Variants in MUC17 observed in about 807,000 individuals in gnomAD.
MUC17 encodes mucin-17.
In MUC17, 190 loss-of-function variants were observed where a neutral mutation model predicts 170.3. The observed-to-expected ratio is 1.12, with a 90% CI of 0.99 to 1.26. The LOEUF (loss-of-function observed/expected upper bound fraction) is 1.26, where lower values mean the gene tolerates loss of function less well. MUC17 is among the 50% of genes most tolerant of loss of function. The probability of loss-of-function intolerance (pLI) is 0.00; values close to 1 mark genes in which losing one functional copy is unlikely to be tolerated. For missense variants in MUC17, 6,415 were observed against 5,530.0 expected (o/e 1.16, Z -5.08); for synonymous variants, 2,325 against 2,002.5 (o/e 1.16, Z -4.30).
At position 101,051,932 on chromosome 7, in the gene MUC17, G is replaced by A; in HGVS notation, c.13073G>A (p.Cys4358Tyr). The part of the protein sequence containing the change: ...SVSKNCNLGK[C>Y]QMSLSGPQCL... ...TCCAAGAACTGTAACCTCGGCAAGTGCCAGATGTCTCTAAGTGGACCTCAG... is the reference window on the plus strand; with the variant it reads ...TCCAAGAACTGTAACCTCGGCAAGTACCAGATGTCTCTAAGTGGACCTCAG... Residue 4358 changes from cysteine to tyrosine, a missense_variant, in exon 9 of 13, where the codon TGC becomes TAC. Transcript: ENST00000306151. The A allele has an allele frequency of 1.2e-6, 2 of 1,614,084 alleles. No individual in the cohort carries two copies. Among genetic ancestry groups the A allele is most frequent in the Non-Finnish European group, 1.7e-6 (2 of 1,179,940 alleles).
rs1251053947 is a variant in MUC17, at chr7:101,040,357, A to T, written c.8941A>T (p.Thr2981Ser). ...TAEGTSMPIS[T>S]PGERRTPLTS... The stretch of plus-strand genomic sequence containing the variant: ...TGAAGGTACCAGCATGCCAATCTCA[A>T]CTCCTGGCGAAAGAAGAACTCCATT... The change falls in exon 3 of 13, where the codon ACT (threonine) becomes TCT (serine). Residue 2981 changes from threonine to serine, a missense_variant. Coordinates refer to ENST00000306151, the MANE Select transcript of MUC17 (RefSeq NM_001040105.2). 2 of 1,610,744 alleles carry T rather than the reference A, an allele frequency of 1.2e-6. No individual in the cohort carries two copies. Among genetic ancestry groups the T allele is most frequent in the Non-Finnish European group, 1.7e-6 (2 of 1,179,140 alleles).
At chr7:101,020,803 A>G (rs1471378106) in intron 1 of MUC17, among the ~76,000 whole-genome samples, 2 of 152,176 alleles carry the variant, frequency 1.3e-5, no homozygotes, top group African/African-American at 2.4e-5. Flanking sequence ...AAGACAAGGC[A>G]TTAGGACCTC....
chr7:101,043,979 A>T (rs1056528761), intron 3 of MUC17, among the ~76,000 whole-genome samples, 160 bp downstream of exon 3: 3 of 152,104 alleles, frequency 2.0e-5, no homozygotes, highest in African/African-American at 7.2e-5. Flanking sequence ...TCGTAATGCT[A>T]TCCCTCCCCC....
chr7:101,037,103 C>T lies in MUC17; in HGVS notation c.5687C>T (p.Thr1896Ile). The T allele has an allele frequency of 4.5e-6, 7 of 1,567,106 alleles. No individual in the cohort carries two copies. Among genetic ancestry groups the T allele is most frequent in the Non-Finnish European group, 5.9e-6 (7 of 1,177,754 alleles). Reference sequence around the variant, plus strand: ...TCAACAACTCCCGCTGTCACCAGCACACCTGTGACCACTTATGCTCAAGTC... The same window carrying T: ...TCAACAACTCCCGCTGTCACCAGCATACCTGTGACCACTTATGCTCAAGTC... ...TLSTTPAVTS[T>I]PVTTYAQVSS... is the part of the protein sequence containing the mutation. Residue 1896 changes from threonine to isoleucine, a missense_variant, in exon 3 of 13, where the codon ACA becomes ATA. By Grantham distance (89) the Thr-to-Ile change is moderately conservative. Coordinates refer to ENST00000306151, the MANE Select transcript of MUC17 (RefSeq NM_001040105.2).
Position 101,038,760 on chromosome 7 carries a change from C to T in MUC17, c.7344C>T (p.Thr2448=), listed in dbSNP as rs1217977919. The T allele has an allele frequency of 1.9e-6, 3 of 1,613,112 alleles. No individual in the cohort carries two copies. The highest frequency in any genetic ancestry group is 3.3e-5 in the Admixed American group (2 of 59,988). Reference sequence around the variant, plus strand: ...CTGCTGAAGGTACCAGCATACCAACCTCACCTCCTAGTGAAGGAACCACTC... The same window carrying T: ...CTGCTGAAGGTACCAGCATACCAACTTCACCTCCTAGTGAAGGAACCACTC... ...PTTAEGTSIP[T]SPPSEGTTPL... Residue 2448 remains threonine, a synonymous_variant, in exon 3 of 13, where the codon ACC becomes ACT. Transcript: ENST00000306151.
Position 101,045,456 on chromosome 7 carries a change from C to T in MUC17, c.12403+1637C>T, listed in dbSNP as rs148798027. On this transcript the variant is annotated intron_variant, in intron 3 of 12. Coordinates refer to ENST00000306151, the MANE Select transcript of MUC17 (RefSeq NM_001040105.2). ...TTGCCCAAGCTGGAGTGCAATGGCA[C>T]GATCATGGCTCACTGCAACCTCCAC... Among the ~76,000 whole-genome samples the T allele has an allele frequency of 2.2e-3, 333 of 151,728 alleles. 1 individual carries two copies. Among genetic ancestry groups the T allele is most frequent in the Middle Eastern group, 6.8e-3 (2 of 294 alleles).
chr7:101,056,522 G>T (rs1795048570), intron 12 of MUC17, among the ~76,000 whole-genome samples: 1 of 152,156 alleles, frequency 6.6e-6, no homozygotes, highest in Non-Finnish European at 1.5e-5. Context: ...CCTACTCTAA[G>T]TACATCCTTG....
rs1794785144 is a variant in MUC17, at chr7:101,043,818, A to T, written c.12402A>T (p.Thr4134=). The change falls in exon 3 of 13, where the codon ACA becomes ACT. Residue 4134 remains threonine, a splice_region_variant and synonymous_variant. Transcript: ENST00000306151. ...CTCCTACTGTGCCAAGAACCACAAC[A>T]TGTAAGTGATTTCTTGAATTTTCCT... The part of the protein sequence containing the change: ...TSTPTVPRTT[T]CFGDGCQNTA... 6.3e-7 allele frequency: 1 copy of T among 1,581,640 alleles called. No individual in the cohort carries two copies. The highest frequency in any genetic ancestry group is 2.3e-5 in the East Asian group (1 of 44,434).
rs764364843 is a variant in MUC17 at position 101,039,549 on chromosome 7, C to G, written c.8133C>G (p.Thr2711=). The change falls in exon 3 of 13, where the codon ACC becomes ACG. Residue 2711 remains threonine, a synonymous_variant. Coordinates refer to ENST00000306151, the MANE Select transcript of MUC17 (RefSeq NM_001040105.2). The part of the protein sequence containing the change: ...TTLLANSEAS[T]LSTTPVDTST... ...TGTTGGCCAATTCTGAGGCTAGCACCCTTTCAACAACTCCTGTTGACACCA... is the reference window on the plus strand; with the variant it reads ...TGTTGGCCAATTCTGAGGCTAGCACGCTTTCAACAACTCCTGTTGACACCA... The G allele has an allele frequency of 1.1e-5, 17 of 1,611,056 alleles. No homozygotes were observed. The highest frequency in any genetic ancestry group is 8.4e-5 in the Admixed American group (5 of 59,618).
At chr7:101,054,361 G>T (rs937837640) in intron 11 of MUC17, among the ~76,000 whole-genome samples, 2 of 152,094 alleles carry the variant, frequency 1.3e-5, no homozygotes, top group African/African-American at 4.8e-5. Flanking sequence ...ACTAACATTA[G>T]ATTTTGCTAG....
chr7:101,032,277 G>T lies in MUC17; in HGVS notation c.861G>T (p.Val287=), dbSNP rs774651865. 5 of 1,613,644 alleles carry T rather than the reference G, an allele frequency of 3.1e-6. No homozygotes were observed. The highest frequency in any genetic ancestry group is 1.3e-5 in the African/African-American group (1 of 74,882). The change falls in exon 3 of 13, where the codon GTG becomes GTT. Residue 287 remains valine, a synonymous_variant. Transcript: ENST00000306151. ...LTRMPLSVML[V]VSSEASTLST... ...GAATGCCTCTCAGCGTGATGCTGGTGGTCAGTTCTGAGGCTAGCACCCTTT... is the reference window on the plus strand; with the variant it reads ...GAATGCCTCTCAGCGTGATGCTGGTTGTCAGTTCTGAGGCTAGCACCCTTT...
chr7:101,036,134 C>T lies in MUC17; in HGVS notation c.4718C>T (p.Thr1573Ile), dbSNP rs760340861. 5 of 1,613,186 alleles carry T rather than the reference C, an allele frequency of 3.1e-6. No homozygotes were observed. Among genetic ancestry groups the T allele is most frequent in the South Asian group, 1.1e-5 (1 of 90,978 alleles). ...ACCTCAACTTATAGTGAAGGAAGCA[C>T]TCCACTAACAAGTTTGCCTGTCAGC... ...MQTSTYSEGSTPLTSLPVSTM... is the reference protein window; with the variant it reads ...MQTSTYSEGSIPLTSLPVSTM... The change falls in exon 3 of 13, where the codon ACT (threonine) becomes ATT (isoleucine). Residue 1573 changes from threonine to isoleucine, a missense_variant. By Grantham distance (89) the Thr-to-Ile change is moderately conservative. Transcript: ENST00000306151.
Position 101,035,490 on chromosome 7 carries a change from A to C in MUC17, c.4074A>C (p.Ser1358=). The part of the protein sequence containing the change: ...LVASSAISIL[S]TTPVDNSTPV... ...CCAGTTCTGCAATCAGCATCCTTTC[A>C]ACAACTCCTGTTGACAACAGCACAC... Residue 1358 remains serine, a synonymous_variant, in exon 3 of 13, where the codon TCA becomes TCC. Transcript: ENST00000306151. The C allele has an allele frequency of 6.2e-7, 1 of 1,602,326 alleles. No homozygotes were observed. Among genetic ancestry groups the C allele is most frequent in the Non-Finnish European group, 8.5e-7 (1 of 1,172,662 alleles).
chr7:101,028,335 C>T (rs1208053066), intron 1 of MUC17, among the ~76,000 whole-genome samples: 3 of 151,524 alleles, frequency 2.0e-5, no homozygotes, highest in South Asian at 2.1e-4. Flanking sequence ...GTGATCTGCC[C>T]GCCTCGGCCT....
rs753131554 is a variant in MUC17 at position 101,042,316 on chromosome 7, A to AG, written c.10901dup (p.Ser3634ArgfsTer18). 4 of 1,613,850 alleles carry AG rather than the reference A, an allele frequency of 2.5e-6. No individual in the cohort carries two copies. Among genetic ancestry groups the AG allele is most frequent in the Middle Eastern group, 1.6e-4 (1 of 6,084 alleles). Reference sequence around the variant, plus strand: ...GCCAATGTCAACTCCTAGTGAAGTAAGCACTCCATTAACCATTATGCCTGT... The same window carrying AG: ...GCCAATGTCAACTCCTAGTGAAGTAAGGCACTCCATTAACCATTATGCCTGT... On this transcript the variant is annotated frameshift_variant, in exon 3 of 13. Transcript: ENST00000306151. LOFTEE classifies it high-confidence loss of function.
In MUC17 at chr7:101,042,260, C is replaced by T; in HGVS notation, c.10844C>T (p.Ser3615Phe). The part of the protein sequence containing the change: ...TPVTTSTQSN[S>F]TPTPPEVITL... ...GTGACCACTTCTACTCAGAGCAATT[C>T]TACTCCTACACCTCCTGAAGTTATC... is the stretch of plus-strand genomic sequence containing the variant. The change falls in exon 3 of 13, where the codon TCT becomes TTT. Residue 3615 changes from serine to phenylalanine, a missense_variant. Ser to Phe is a radical substitution (Grantham distance 155). Transcript: ENST00000306151. 1 of 1,614,126 alleles carries T rather than the reference C, an allele frequency of 6.2e-7. No individual in the cohort carries two copies. The highest frequency in any genetic ancestry group is 8.5e-7 in the Non-Finnish European group (1 of 1,180,034).
At chr7:101,045,331 C>T (rs1004007040) in intron 3 of MUC17, among the ~76,000 whole-genome samples, 3 of 151,976 alleles carry the variant, frequency 2.0e-5, no homozygotes, top group Non-Finnish European at 2.9e-5. Flanking sequence ...TTTCTCTGGA[C>T]TTTGTGATTT....
chr7:101,036,168 G>C lies in MUC17; in HGVS notation c.4752G>C (p.Leu1584=), dbSNP rs756411779. ...CAAGTTTGCCTGTCAGCACCATGCTGGTGGTCAGTTCTGAGGCTAACACCC... is the reference window on the plus strand; with the variant it reads ...CAAGTTTGCCTGTCAGCACCATGCTCGTGGTCAGTTCTGAGGCTAACACCC... ...PLTSLPVSTM[L]VVSSEANTLS... The change falls in exon 3 of 13, where the codon CTG becomes CTC. Residue 1584 remains leucine (L), a synonymous_variant. Transcript: ENST00000306151. 7.4e-6 allele frequency: 12 copies of C among 1,613,920 alleles called. No individual in the cohort carries two copies. In the East Asian group the frequency reaches 1.1e-4, roughly 15 times the overall value.
intron 1 of MUC17, among the ~76,000 whole-genome samples, chr7:101,028,328 A>G (rs1794218082): frequency 6.6e-6 from 1 of 151,634 alleles, no homozygotes; most frequent in African/African-American, 2.4e-5. Flanking sequence ...TGACCTTGTG[A>G]TCTGCCCGCC....
Sources: allele counts gnomAD v4.1 joint callset (sites outside exome capture counted in the v4.1 genomes callset), GRCh38; gene constraint gnomAD v4.1.1; transcripts MANE v1.5; gene names NCBI Gene and HGNC (gene_info 2026-07-23, HGNC 2026-07-21).